Variants in CREB5 observed in about 807,000 individuals in gnomAD.
The protein encoded by CREB5 is cyclic AMP-responsive element-binding protein 5.
Under a neutral mutation model 57.1 loss-of-function variants are expected in CREB5, and 19 were observed. The ratio of observed to expected loss-of-function variants is 0.33; its 90% CI spans 0.23 to 0.49. CREB5 has a LOEUF of 0.49. CREB5 is among the 20% of genes least tolerant of loss of function. The probability of loss-of-function intolerance (pLI) is 0.99; values close to 1 mark genes in which losing one functional copy is unlikely to be tolerated. For synonymous variants in CREB5, 238 were observed against 238.3 expected (o/e 1.00, Z 0.01); for missense variants, 579 against 671.6 (o/e 0.86, Z 1.52).
chr7:28,535,872 C>A (rs955503462), intron 4 of CREB5, among the ~76,000 whole-genome samples: 1 of 152,024 alleles, frequency 6.6e-6, no homozygotes, highest in African/African-American at 2.4e-5. Context: ...CACCAAAAGC[C>A]TACATGGTAG....
intron 1 of CREB5, among the ~76,000 whole-genome samples, chr7:28,455,072 T>A (rs1790032682): frequency 6.6e-6 from 1 of 152,228 alleles, no homozygotes. Context: ...CAGAGTTTTT[T>A]AAAACAGCTT....
At chr7:28,791,577 G>A (rs547400697) in intron 7 of CREB5, among the ~76,000 whole-genome samples, 65 of 152,222 alleles carry the variant, frequency 4.3e-4, no homozygotes, top group African/African-American at 1.3e-3. Flanking sequence ...AATTTTTGTC[G>A]CCTATTTCAT....
intron 1 of CREB5, among the ~76,000 whole-genome samples, chr7:28,441,246 C>T (rs1027662795): frequency 1.3e-5 from 2 of 152,210 alleles, no homozygotes; most frequent in African/African-American, 4.8e-5. Flanking sequence ...GTTGAAAGCT[C>T]CAAGCCCATG....
intron 1 of CREB5, among the ~76,000 whole-genome samples, chr7:28,423,172 A>G (rs1449974036): frequency 3.3e-5 from 5 of 152,160 alleles, no homozygotes. Context: ...GCTCTTTGTT[A>G]CTAAGAAGCA....
chr7:28,650,089 A>G lies in CREB5; in HGVS notation c.465-68664A>G, dbSNP rs117976892. Among the ~76,000 whole-genome samples, 1,436 of 152,308 alleles carry G rather than the reference A, an allele frequency of 9.4e-3. 25 individuals carry two copies. Among genetic ancestry groups the G allele is most frequent in the African/African-American group, 0.032 (1,330 of 41,574 alleles). ...CATCTGTTGAATTGTGTACACACCA[A>G]TAGTCCCCAGTATCTGCTAATCACT... On this transcript the variant is annotated intron_variant, in intron 5 of 10. Coordinates refer to ENST00000357727, the MANE Select transcript of CREB5 (RefSeq NM_182898.4).
chr7:28,771,997 C>G (rs1431666442), intron 7 of CREB5, among the ~76,000 whole-genome samples: 4 of 152,132 alleles, frequency 2.6e-5, no homozygotes, highest in Admixed American at 2.6e-4. Context: ...CCTTTTTCTT[C>G]CTGGCCTGGT....
At chr7:28,522,390 GTTTTTTTTTTT>G (rs11291433) in intron 4 of CREB5, among the ~76,000 whole-genome samples, 14 of 97,604 alleles carry the variant, frequency 1.4e-4, no homozygotes, top group African/African-American at 5.1e-4. Context: ...CCTGCTCTTT[GTTTTTTTTTTT>G]TTTTTTTTTT....
At chr7:28,707,440 G>T (rs913339240) in intron 5 of CREB5, among the ~76,000 whole-genome samples, 2 of 152,128 alleles carry the variant, frequency 1.3e-5, no homozygotes, top group African/African-American at 4.8e-5. Context: ...ACTCCTGGTC[G>T]GTGGCAGAGC....
At chr7:28,533,484 G>T (rs907456594) in intron 4 of CREB5, among the ~76,000 whole-genome samples, 3 of 152,200 alleles carry the variant, frequency 2.0e-5, no homozygotes, top group African/African-American at 7.2e-5. Context: ...ACTTTGCATG[G>T]AGACACTGAC....
chr7:28,587,168 A>G (rs1471031476), intron 5 of CREB5, among the ~76,000 whole-genome samples: 1 of 152,212 alleles, frequency 6.6e-6, no homozygotes, highest in Non-Finnish European at 1.5e-5. Context: ...CAGAGAAAGT[A>G]CAGTACAACA....
At chr7:28,504,709 T>C (rs1428435106) in intron 3 of CREB5, among the ~76,000 whole-genome samples, 3 of 152,176 alleles carry the variant, frequency 2.0e-5, no homozygotes, top group Non-Finnish European at 4.4e-5. Flanking sequence ...TCCAGAGAGT[T>C]TGCAAATAGC....
At chr7:28,368,209 T>A (rs1786629483) in intron 1 of CREB5, among the ~76,000 whole-genome samples, 1 of 152,134 alleles carries the variant, frequency 6.6e-6, no homozygotes, top group Admixed American at 6.5e-5. Context: ...TGCAGGGGCA[T>A]ACAGAGTGGT....
intron 4 of CREB5, among the ~76,000 whole-genome samples, chr7:28,551,251 A>G (rs1031511658): frequency 6.6e-6 from 1 of 152,030 alleles, no homozygotes; most frequent in South Asian, 2.1e-4. Flanking sequence ...ATAGAAAAAC[A>G]TTTTCTGTAA....
At chr7:28,589,237 C>T (rs1310251909) in intron 5 of CREB5, among the ~76,000 whole-genome samples, 1 of 152,162 alleles carries the variant, frequency 6.6e-6, no homozygotes, top group Non-Finnish European at 1.5e-5. Flanking sequence ...CTCCTAACCA[C>T]TTCAGCATAT....
At chr7:28,596,481 A>C (rs1796695354) in intron 5 of CREB5, among the ~76,000 whole-genome samples, 1 of 152,262 alleles carries the variant, frequency 6.6e-6, no homozygotes, top group African/African-American at 2.4e-5. Context: ...GAAGCATCTC[A>C]ATTGCTCATT....
At chr7:28,674,680 C>T (rs151335476) in intron 5 of CREB5, among the ~76,000 whole-genome samples, 2 of 152,354 alleles carry the variant, frequency 1.3e-5, no homozygotes, top group Non-Finnish European at 2.9e-5. Context: ...TGATCACAGT[C>T]GTCTTCACCA....
upstream of CREB5, among the ~76,000 whole-genome samples, chr7:28,411,178 CG>C (rs1376772454): frequency 6.6e-6 from 1 of 152,144 alleles, no homozygotes; most frequent in Admixed American, 6.5e-5. Context: ...TGTTTGCAAG[CG>C]TTATGATAAT....
intron 5 of CREB5, among the ~76,000 whole-genome samples, chr7:28,694,507 C>A (rs1180486167): frequency 1.3e-5 from 2 of 152,194 alleles, no homozygotes; most frequent in African/African-American, 4.8e-5. Context: ...AATTTGCTCT[C>A]ACCATCCAGA....
At chr7:28,742,611 T>A (rs1440969638) in intron 7 of CREB5, among the ~76,000 whole-genome samples, 1 of 151,998 alleles carries the variant, frequency 6.6e-6, no homozygotes, top group African/African-American at 2.4e-5. Flanking sequence ...GAGCAAACCC[T>A]TCATCTCCTC....
Sources: allele counts gnomAD v4.1 joint callset (sites outside exome capture counted in the v4.1 genomes callset), GRCh38; gene constraint gnomAD v4.1.1; transcripts MANE v1.5; gene names NCBI Gene and HGNC (gene_info 2026-07-23, HGNC 2026-07-21).